BCL9: variants seen among roughly 807,000 people sequenced by gnomAD.
BCL9 encodes the protein BCL9 transcription coactivator.
BCL9 carries 25 observed loss-of-function variants against 88.5 expected under a neutral mutation model. The observed-to-expected ratio is 0.28, with a 90% CI of 0.21 to 0.39. The LOEUF (loss-of-function observed/expected upper bound fraction) is 0.39, where lower values mean the gene tolerates loss of function less well. BCL9 is among the 10% of genes least tolerant of loss of function. The pLI is 1.00. For synonymous variants in BCL9, 711 were observed against 673.3 expected (o/e 1.06, Z -0.87); for missense variants, 1,817 against 1,877.8 (o/e 0.97, Z 0.60).
chr1:147,607,269 C>A (rs1657766377), intron 3 of BCL9, among the ~76,000 whole-genome samples: 1 of 152,132 alleles, frequency 6.6e-6, no homozygotes. Flanking sequence ...GTCTTAGTTA[C>A]TGTAAATAAT....
Position 147,624,631 on chromosome 1 carries a change from C to A in BCL9, c.3953C>A (p.Pro1318Gln). 1.2e-6 allele frequency: 2 copies of A among 1,614,206 alleles called. No homozygotes were observed. The highest frequency in any genetic ancestry group is 1.7e-6 in the Non-Finnish European group (2 of 1,180,034). Residue 1318 changes from proline to glutamine, a missense_variant, in exon 10 of 10, where the codon CCA (proline) becomes CAA (glutamine). Pro to Gln is a moderately conservative substitution (Grantham distance 76). Coordinates refer to ENST00000234739, the MANE Select transcript of BCL9 (RefSeq NM_004326.4). The surrounding 1 kb of genome is among the most constrained non-coding windows in gnomAD (Gnocchi z 4.4). Reference sequence around the variant, plus strand: ...ATGCCAGGCCACAACCCCATGAGACCACCAGCCTTTCTCCAACAAGGCATG... The same window carrying A: ...ATGCCAGGCCACAACCCCATGAGACAACCAGCCTTTCTCCAACAAGGCATG... The part of the protein sequence containing the change: ...PSMPGHNPMR[P>Q]PAFLQQGMMG...
intron 3 of BCL9, among the ~76,000 whole-genome samples, chr1:147,611,226 A>G (rs1009886164): frequency 6.6e-6 from 1 of 152,222 alleles, no homozygotes; most frequent in African/African-American, 2.4e-5. Flanking sequence ...ATTGTTTTGA[A>G]AAAAGAAAGA....
At chr1:147,615,116 C>T (rs1658208062) in intron 6 of BCL9, among the ~76,000 whole-genome samples, 1 of 152,176 alleles carries the variant, frequency 6.6e-6, no homozygotes. Flanking sequence ...GATGGGATTA[C>T]AGGCATGAGC....
At chr1:147,604,992 C>T (rs2101597209) in intron 2 of BCL9, 81 bp downstream of exon 2, 1 of 152,224 alleles carries the variant, frequency 6.6e-6, no homozygotes, top group Non-Finnish European at 1.5e-5. Context: ...TCTATAGGGC[C>T]TCTTGTAAGT....
chr1:147,565,139 G>T (rs1214315293), intron 1 of BCL9, among the ~76,000 whole-genome samples: 1 of 152,056 alleles, frequency 6.6e-6, no homozygotes, highest in Non-Finnish European at 1.5e-5. Context: ...AACCAAGCTA[G>T]TTATTCTTTA....
chr1:147,574,202 TTATAAA>T (rs1432069598), intron 1 of BCL9, among the ~76,000 whole-genome samples: 1 of 152,164 alleles, frequency 6.6e-6, no homozygotes, highest in Non-Finnish European at 1.5e-5. Context: ...TATTGAGGTC[TTATAAA>T]TATAACTGCA....
At chr1:147,610,993 A>G (rs1483087784) in intron 3 of BCL9, among the ~76,000 whole-genome samples, 2 of 152,206 alleles carry the variant, frequency 1.3e-5, no homozygotes, top group Admixed American at 6.5e-5. Context: ...CATGGAAATC[A>G]GGGGGCAGAA....
chr1:147,604,056 A>G lies in BCL9; in HGVS notation c.-477-721A>G, dbSNP rs1657530519. ...GAAGTAGTGTATATATTATGCCAAG[A>G]TATCTGCAACAACTATGTGACATGA... On this transcript the variant is annotated intron_variant, in intron 1 of 9. Coordinates refer to ENST00000234739, the MANE Select transcript of BCL9 (RefSeq NM_004326.4). 1.3e-5 allele frequency among the ~76,000 whole-genome samples: 2 copies of G among 152,204 alleles called. 1 individual carries two copies. Among genetic ancestry groups the G allele is most frequent in the African/African-American group, 4.8e-5 (2 of 41,448 alleles).
chr1:147,620,189 T>A lies in BCL9; in HGVS notation c.2034T>A (p.Pro678=), dbSNP rs35916013. 294 of 1,614,026 alleles carry A rather than the reference T, an allele frequency of 1.8e-4. 1 individual carries two copies. The African/African-American group carries it at 2.5e-3, about 14-fold the overall frequency. Residue 678 remains proline (P), a synonymous_variant, in exon 8 of 10, where the codon CCT becomes CCA. Coordinates refer to ENST00000234739, the MANE Select transcript of BCL9 (RefSeq NM_004326.4). ...HMEPGNNPIF[P]RIPVEGPLSP... ...AGCCTGGGAATAACCCCATTTTCCC[T>A]CGAATACCAGTTGAGGGCCCTCTGA... is the stretch of plus-strand genomic sequence containing the variant.
At chr1:147,594,216 T>C (rs1213536004) in intron 1 of BCL9, among the ~76,000 whole-genome samples, 1 of 152,188 alleles carries the variant, frequency 6.6e-6, no homozygotes, top group Non-Finnish European at 1.5e-5. Context: ...CATGTAGAAT[T>C]GACTGACGAG....
chr1:147,610,183 A>AAG (rs1426155230), intron 3 of BCL9, among the ~76,000 whole-genome samples: 1 of 151,856 alleles, frequency 6.6e-6, no homozygotes, highest in Non-Finnish European at 1.5e-5. Flanking sequence ...AACCAAAAAA[A>AAG]AAAAGCTGGA....
intron 1 of BCL9, among the ~76,000 whole-genome samples, chr1:147,579,953 C>T (rs1230502583): frequency 2.6e-5 from 4 of 152,214 alleles, no homozygotes; most frequent in Non-Finnish European, 4.4e-5. Flanking sequence ...CATTCTTCCT[C>T]TTCTCTTAGA....
intron 1 of BCL9, among the ~76,000 whole-genome samples, chr1:147,563,072 C>G (rs1655454389): frequency 1.3e-5 from 2 of 152,154 alleles, no homozygotes; most frequent in East Asian, 3.8e-4. Flanking sequence ...CACTGTGTCC[C>G]CAGATCTTCA....
At chr1:147,554,471 A>C (rs1553195171) in intron 1 of BCL9, among the ~76,000 whole-genome samples, 2 of 152,222 alleles carry the variant, frequency 1.3e-5, no homozygotes. Context: ...TGGAGGTCAG[A>C]GATAGGCAGG....
chr1:147,544,831 G>GT (rs1329743894), intron 1 of BCL9, among the ~76,000 whole-genome samples: 9 of 152,064 alleles, frequency 5.9e-5, no homozygotes, highest in African/African-American at 1.2e-4. Context: ...AAGATAGAAT[G>GT]TTTTTTCTCT....
intron 1 of BCL9, among the ~76,000 whole-genome samples, chr1:147,583,823 G>A (rs1398166154): frequency 6.6e-6 from 1 of 151,068 alleles, no homozygotes; most frequent in Non-Finnish European, 1.5e-5. Flanking sequence ...CATGGTGGCT[G>A]GCACTTGTAA....
intron 1 of BCL9, among the ~76,000 whole-genome samples, chr1:147,554,099 C>G (rs946152577): frequency 6.6e-6 from 1 of 152,184 alleles, no homozygotes; most frequent in Non-Finnish European, 1.5e-5. Flanking sequence ...GCTGTATTAA[C>G]TTTGAGAATG....
At chr1:147,564,772 C>G (rs1213661245) in intron 1 of BCL9, among the ~76,000 whole-genome samples, 1 of 152,106 alleles carries the variant, frequency 6.6e-6, no homozygotes, top group Non-Finnish European at 1.5e-5. Flanking sequence ...TAAACCTGTG[C>G]CTTCCTTTAT....
chr1:147,585,509 G>A (rs1279757834), intron 1 of BCL9, among the ~76,000 whole-genome samples: 1 of 152,130 alleles, frequency 6.6e-6, no homozygotes, highest in East Asian at 1.9e-4. Flanking sequence ...TTAATTAATT[G>A]CTATGTAGTC....
Sources: allele counts gnomAD v4.1 joint callset (sites outside exome capture counted in the v4.1 genomes callset), GRCh38; gene constraint gnomAD v4.1.1; non-coding constraint Gnocchi (gnomAD v3.1); transcripts MANE v1.5; gene names NCBI Gene and HGNC (gene_info 2026-07-23, HGNC 2026-07-21).